The following PDE7A variants were observed in gnomAD, a reference collection of about 807,000 sequenced individuals.
PDE7A encodes the protein high affinity 3',5'-cyclic-AMP phosphodiesterase 7A.
A neutral mutation model predicts 64.3 loss-of-function variants in PDE7A; 39 were observed. The observed-to-expected ratio is 0.61, with a 90% CI of 0.47 to 0.79. The LOEUF (loss-of-function observed/expected upper bound fraction) is 0.79, where lower values mean the gene tolerates loss of function less well. Among genes scored for constraint, PDE7A ranks in the 30% least tolerant of loss-of-function variants. The probability of loss-of-function intolerance (pLI) is 0.00; values close to 1 mark genes in which losing one functional copy is unlikely to be tolerated. For missense variants in PDE7A, 470 were observed against 582.8 expected (o/e 0.81, Z 1.99); for synonymous variants, 203 against 206.8 (o/e 0.98, Z 0.16).
At chr8:65,769,818 C>T (rs1387443731) in intron 3 of PDE7A, among the ~76,000 whole-genome samples, 1 of 152,124 alleles carries the variant, frequency 6.6e-6, no homozygotes, top group East Asian at 1.9e-4. Context: ...ATTGCTTGAA[C>T]CCAGGAAGTG....
At chr8:65,800,255 G>A (rs1345560889) in intron 1 of PDE7A, among the ~76,000 whole-genome samples, 2 of 152,152 alleles carry the variant, frequency 1.3e-5, no homozygotes, top group Non-Finnish European at 2.9e-5. Context: ...GTTTCTTCCT[G>A]CAGTGCTTGG....
Position 65,716,579 on chromosome 8 carries a change from C to G in PDE7A, c.*2711G>C, listed in dbSNP as rs1806152924. 6.6e-6 allele frequency among the ~76,000 whole-genome samples: 1 copy of G among 152,138 alleles called. No individual in the cohort carries two copies. Among genetic ancestry groups the G allele is most frequent in the Non-Finnish European group, 1.5e-5 (1 of 68,036 alleles). On this transcript the variant is annotated 3_prime_UTR_variant, in exon 13 of 13. Coordinates refer to ENST00000401827, the MANE Select transcript of PDE7A (RefSeq NM_001242318.3). ...TGGGTGCACGAGGCAACTTGCTTCCCTTGCTCAGAATCCATGCTCACCAGC... is the reference window on the plus strand; with the variant it reads ...TGGGTGCACGAGGCAACTTGCTTCCGTTGCTCAGAATCCATGCTCACCAGC...
At chr8:65,784,588 C>T (rs1261853725) in intron 1 of PDE7A, among the ~76,000 whole-genome samples, 3 of 151,940 alleles carry the variant, frequency 2.0e-5, no homozygotes, top group Admixed American at 2.0e-4. Context: ...AGTCATGAAA[C>T]ACTGACAAAT....
intron 1 of PDE7A, among the ~76,000 whole-genome samples, chr8:65,813,336 C>T (rs1810301775): frequency 6.6e-6 from 1 of 151,906 alleles, no homozygotes; most frequent in Non-Finnish European, 1.5e-5. Context: ...ATACAAGAAA[C>T]CCAACAACCA....
At chr8:65,823,235 T>TA in intron 1 of PDE7A, among the ~76,000 whole-genome samples, 1 of 152,214 alleles carries the variant, frequency 6.6e-6, no homozygotes, top group South Asian at 2.1e-4. Flanking sequence ...CCAAAATCCT[T>TA]AAAGTCACTT....
chr8:65,830,128 G>A (rs1810778623), intron 1 of PDE7A, among the ~76,000 whole-genome samples: 1 of 151,994 alleles, frequency 6.6e-6, no homozygotes, highest in African/African-American at 2.4e-5. Context: ...TCTGAAACTT[G>A]CTGTCGAGTA....
chr8:65,765,750 T>C (rs1012792301), intron 3 of PDE7A: 1 of 152,128 alleles, frequency 6.6e-6, no homozygotes, highest in Non-Finnish European at 1.5e-5. Context: ...ACAACTTCCA[T>C]TACTATTTAA....
chr8:65,825,160 T>C (rs777096287), intron 1 of PDE7A, among the ~76,000 whole-genome samples: 11 of 152,172 alleles, frequency 7.2e-5, no homozygotes, highest in East Asian at 1.9e-4. Flanking sequence ...ATGTTAATAG[T>C]GGTTATCTCT....
intron 3 of PDE7A, among the ~76,000 whole-genome samples, chr8:65,772,002 G>A (rs1809109361): frequency 6.6e-6 from 1 of 152,000 alleles, no homozygotes; most frequent in Non-Finnish European, 1.5e-5. Context: ...TAAATGACTG[G>A]TTCAAGGAGA....
chr8:65,742,769 A>C (rs528949979), intron 5 of PDE7A, among the ~76,000 whole-genome samples: 3 of 152,222 alleles, frequency 2.0e-5, no homozygotes, highest in Non-Finnish European at 4.4e-5. Context: ...GCTGTAGTTA[A>C]CTGAATGTAT....
At chr8:65,773,320 G>C (rs1035145631) in intron 3 of PDE7A, among the ~76,000 whole-genome samples, 1 of 152,090 alleles carries the variant, frequency 6.6e-6, no homozygotes, top group African/African-American at 2.4e-5. Flanking sequence ...GGCTTAAAGA[G>C]ACATATTCTT....
chr8:65,823,783 TATAAA>T (rs1203094465), intron 1 of PDE7A, among the ~76,000 whole-genome samples: 1 of 152,192 alleles, frequency 6.6e-6, no homozygotes, highest in Admixed American at 6.5e-5. Flanking sequence ...GTGCGAGATT[TATAAA>T]ATACTAAAAA....
At chr8:65,721,393 G>A (rs1806371418) in intron 12 of PDE7A, among the ~76,000 whole-genome samples, 1 of 152,160 alleles carries the variant, frequency 6.6e-6, no homozygotes, top group Non-Finnish European at 1.5e-5. Context: ...TTGTTAAGAG[G>A]CTGGGATTTG....
rs935761676 is a variant in PDE7A at position 65,732,328 on chromosome 8, T to C, written c.696+2466A>G. On this transcript the variant is annotated intron_variant, in intron 7 of 12. Coordinates refer to ENST00000401827, the MANE Select transcript of PDE7A (RefSeq NM_001242318.3). Reference sequence around the variant, plus strand: ...ACATATTATTTTGATCAAAATTCTATTTATCTATTTGTTTAATGACTGCCT... The same window carrying C: ...ACATATTATTTTGATCAAAATTCTACTTATCTATTTGTTTAATGACTGCCT... Among the ~76,000 whole-genome samples the C allele has an allele frequency of 2.0e-5, 3 of 152,068 alleles. No homozygotes were observed. The East Asian group carries it at 5.8e-4, about 29-fold the overall frequency.
At chr8:65,763,442 G>C (rs536561645) in intron 3 of PDE7A, among the ~76,000 whole-genome samples, 32 of 152,188 alleles carry the variant, frequency 2.1e-4, no homozygotes, top group Non-Finnish European at 2.5e-4. Context: ...GCGCAGGTCT[G>C]TAATCCCAGC....
chr8:65,729,698 G>C (rs971857223), intron 7 of PDE7A, among the ~76,000 whole-genome samples: 5 of 151,284 alleles, frequency 3.3e-5, no homozygotes, highest in Non-Finnish European at 2.9e-5. Context: ...GAGCAGCTGG[G>C]ATTATAGGCG....
intron 1 of PDE7A, among the ~76,000 whole-genome samples, chr8:65,793,274 G>A (rs1223601356): frequency 6.6e-6 from 1 of 152,050 alleles, no homozygotes; most frequent in Non-Finnish European, 1.5e-5. Flanking sequence ...TTGTTCCACA[G>A]TTTATTTACT....
rs1806067804 is a variant in PDE7A, at chr8:65,714,758, T to TAAAA, written c.*4531_*4532insTTTT. 6.6e-6 allele frequency: 1 copy of TAAAA among 152,208 alleles called. No homozygotes were observed. The highest frequency in any genetic ancestry group is 6.5e-5 in the Admixed American group (1 of 15,280). 9.4% of individuals were successfully genotyped at this position (152,208 alleles called of 1,614,324 possible). A position where few individuals can be genotyped will look rare whatever the true frequency, so the allele number is the denominator to read the frequency against. ...CTGGAAATACCTGATGTGAGAGTTTTAAGAAAATAGAAAGTTTAATAAAAA... is the reference window on the plus strand; with the variant it reads ...CTGGAAATACCTGATGTGAGAGTTTTAAAAAAGAAAATAGAAAGTTTAATAAAAA... On this transcript the variant is annotated 3_prime_UTR_variant, in exon 13 of 13. Coordinates refer to ENST00000401827, the MANE Select transcript of PDE7A (RefSeq NM_001242318.3).
At chr8:65,830,243 T>C (rs1354429220) in intron 1 of PDE7A, among the ~76,000 whole-genome samples, 7 of 152,102 alleles carry the variant, frequency 4.6e-5, no homozygotes, top group Non-Finnish European at 7.4e-5. Context: ...TTCTTTCTTT[T>C]TTTTTTAACA....
Sources: gnomAD v4.1 joint callset for allele counts (sites outside exome capture counted in the v4.1 genomes callset) on GRCh38, gnomAD v4.1.1 for gene constraint, MANE v1.5 for transcripts, NCBI Gene and HGNC (gene_info 2026-07-23, HGNC 2026-07-21) for gene names.